The following EBF1 variants were observed in gnomAD, a reference collection of about 807,000 sequenced individuals.
EBF1 encodes transcription factor COE1.
In EBF1, 10 loss-of-function variants were observed where a neutral mutation model predicts 68.4. The ratio of observed to expected loss-of-function variants is 0.15; its 90% confidence interval spans 0.09 to 0.25. The LOEUF (loss-of-function observed/expected upper bound fraction) is 0.25. Ranked by LOEUF, EBF1 falls within the 10% of genes least tolerant of loss-of-function variation. EBF1 has a pLI of 1.00. For missense variants in EBF1, 509 were observed against 794.4 expected, an observed-to-expected ratio of 0.64 and a Z score of 4.32; for synonymous variants, 298 against 299.8, an observed-to-expected ratio of 0.99 and a Z score of 0.06.
At chr5:158,812,100 G>T (rs149056484) in intron 8 of EBF1, among the ~76,000 whole-genome samples, 6 of 152,070 alleles carry the variant, frequency 3.9e-5, no homozygotes, top group Non-Finnish European at 8.8e-5. Flanking sequence ...GACAGTCTAC[G>T]TCATAATGCT....
chr5:158,866,552 G>A (rs764573831), intron 6 of EBF1, among the ~76,000 whole-genome samples: 1 of 151,768 alleles, frequency 6.6e-6, no homozygotes, highest in Non-Finnish European at 1.5e-5. Context: ...CCAGTGTCCC[G>A]CAATTCATTA....
chr5:158,773,155 A>C (rs551133256), intron 10 of EBF1, among the ~76,000 whole-genome samples: 45 of 151,164 alleles, frequency 3.0e-4, no homozygotes, highest in Admixed American at 6.6e-4. Flanking sequence ...TGGGAGAGCA[A>C]GAAGAAAATA....
At chr5:158,915,803 CTTGCT>C (rs776222328) in intron 6 of EBF1, among the ~76,000 whole-genome samples, 2 of 152,124 alleles carry the variant, frequency 1.3e-5, no homozygotes, top group African/African-American at 2.4e-5. Context: ...ATAAAATAAG[CTTGCT>C]TTATCTTTTC....
At chr5:158,791,679 T>A (rs1157258031) in intron 9 of EBF1, among the ~76,000 whole-genome samples, 1 of 152,070 alleles carries the variant, frequency 6.6e-6, no homozygotes, top group Admixed American at 6.6e-5. Context: ...CAGAGCTACA[T>A]CCATATGTAA....
chr5:158,763,736 A>C (rs2127626522), intron 10 of EBF1, among the ~76,000 whole-genome samples: 1 of 152,316 alleles, frequency 6.6e-6, no homozygotes, highest in South Asian at 2.1e-4. Context: ...ATATACATTC[A>C]AAAATTTTAT....
intron 10 of EBF1, among the ~76,000 whole-genome samples, chr5:158,750,180 A>G (rs1768494389): frequency 1.3e-5 from 2 of 152,178 alleles, no homozygotes; most frequent in Non-Finnish European, 2.9e-5. Flanking sequence ...CAGAAGTCAA[A>G]GCATCGTAGT....
intron 6 of EBF1, among the ~76,000 whole-genome samples, chr5:158,970,451 AC>A (rs746957781): frequency 1.1e-4 from 17 of 152,188 alleles, no homozygotes; most frequent in Non-Finnish European, 7.3e-5. Context: ...TAATAAAATA[AC>A]CCAGTTTGTT....
chr5:159,096,254 T>A, intron 3 of EBF1, 89 bp downstream of exon 3: 1 of 1,376,138 alleles, frequency 7.3e-7, no homozygotes, highest in Non-Finnish European at 1.0e-6. Flanking sequence ...TGACCTTCGC[T>A]GGAGGATTTC....
At chr5:158,868,823 A>C (rs1311101663) in intron 6 of EBF1, among the ~76,000 whole-genome samples, 1 of 152,170 alleles carries the variant, frequency 6.6e-6, no homozygotes. Flanking sequence ...AAGGGTGGGA[A>C]TGTCATAAGC....
intron 11 of EBF1, among the ~76,000 whole-genome samples, chr5:158,717,645 A>T (rs58878182): frequency 0.034 from 5,188 of 150,786 alleles, 119 homozygotes; most frequent in African/African-American, 0.066. Flanking sequence ...TTTTTTTTTT[A>T]AAAATCCCTT....
At chr5:158,937,794 C>T (rs748978871) in intron 6 of EBF1, among the ~76,000 whole-genome samples, 1 of 152,156 alleles carries the variant, frequency 6.6e-6, no homozygotes, top group East Asian at 1.9e-4. Flanking sequence ...CTCACGGGGC[C>T]GCACGGCTCC....
chr5:158,868,077 G>A (rs1018882015), intron 6 of EBF1, among the ~76,000 whole-genome samples: 1 of 151,900 alleles, frequency 6.6e-6, no homozygotes, highest in Non-Finnish European at 1.5e-5. Context: ...TATCAGGGAC[G>A]GGATTCAAAT....
chr5:158,887,671 G>C (rs1276301253), intron 6 of EBF1, among the ~76,000 whole-genome samples: 1 of 152,158 alleles, frequency 6.6e-6, no homozygotes, highest in Non-Finnish European at 1.5e-5. Context: ...GGTTCCACCT[G>C]CATCCTCAAC....
intron 6 of EBF1, among the ~76,000 whole-genome samples, chr5:159,057,214 C>A (rs1278476414): frequency 6.8e-6 from 1 of 147,772 alleles, no homozygotes; most frequent in Admixed American, 6.9e-5. Flanking sequence ...TCAAGTGATT[C>A]TCCTGCCTCA....
chr5:158,705,603 T>A (rs1370693220), intron 15 of EBF1, among the ~76,000 whole-genome samples: 1 of 152,218 alleles, frequency 6.6e-6, no homozygotes, highest in Non-Finnish European at 1.5e-5. Flanking sequence ...TTTGTATATA[T>A]CCCTGTCCTG....
chr5:158,785,579 A>G (rs1453848405), intron 9 of EBF1, among the ~76,000 whole-genome samples: 1 of 152,204 alleles, frequency 6.6e-6, no homozygotes, highest in African/African-American at 2.4e-5. Context: ...AGAACGTGAG[A>G]AAAAGCCAGA....
chr5:159,003,964 T>A (rs1763063060), intron 6 of EBF1, among the ~76,000 whole-genome samples: 1 of 152,146 alleles, frequency 6.6e-6, no homozygotes, highest in Non-Finnish European at 1.5e-5. Flanking sequence ...AAAATGGCAA[T>A]CATCATTTGG....
intron 6 of EBF1, among the ~76,000 whole-genome samples, chr5:158,840,784 G>A (rs1272884030): frequency 6.9e-6 from 1 of 144,166 alleles, no homozygotes; most frequent in African/African-American, 2.5e-5. Flanking sequence ...CCATTCTCCT[G>A]CCTCAGCCTC....
chr5:159,001,399 T>C (rs957785047), intron 6 of EBF1, among the ~76,000 whole-genome samples: 1 of 152,176 alleles, frequency 6.6e-6, no homozygotes, highest in African/African-American at 2.4e-5. Context: ...GATTTCAAAA[T>C]CACTGGTCTA....
Sources: gnomAD v4.1 joint callset for allele counts (sites outside exome capture counted in the v4.1 genomes callset) on GRCh38, gnomAD v4.1.1 for gene constraint, MANE v1.5 for transcripts, NCBI Gene and HGNC (gene_info 2026-07-23, HGNC 2026-07-21) for gene names.